The following ATG4C variants were observed in gnomAD, a reference collection of about 807,000 sequenced individuals.
The protein encoded by ATG4C is autophagy related 4C cysteine peptidase, also known as cysteine protease ATG4C.
Under a neutral mutation model 57.6 loss-of-function variants are expected in ATG4C, and 56 were observed. That is an observed-to-expected ratio of 0.97 (90% CI 0.78 to 1.21). The LOEUF is 1.21. ATG4C is among the 50% of genes most tolerant of loss of function. ATG4C has a pLI of 0.00. For synonymous variants in ATG4C, 157 were observed against 174.1 expected (o/e 0.90, Z 0.78); for missense variants, 595 against 529.8 (o/e 1.12, Z -1.21).
At chr1:62,824,866 G>A (rs919907832) in intron 6 of ATG4C, among the ~76,000 whole-genome samples, 2 of 151,876 alleles carry the variant, frequency 1.3e-5, no homozygotes, top group Admixed American at 6.6e-5. Flanking sequence ...TGAAGGTCTC[G>A]CTATGTTGCC....
intron 7 of ATG4C, among the ~76,000 whole-genome samples, chr1:62,832,611 C>A (rs1048887368): frequency 6.6e-6 from 1 of 152,160 alleles, no homozygotes; most frequent in Admixed American, 6.5e-5. Context: ...ACCTGATATT[C>A]ATGCAAGCTC....
At chr1:62,814,010 G>A (rs1345754067) in intron 3 of ATG4C, among the ~76,000 whole-genome samples, 1 of 152,162 alleles carries the variant, frequency 6.6e-6, no homozygotes, top group African/African-American at 2.4e-5. Flanking sequence ...TTTAAAGGGA[G>A]TTCAACCATT....
chr1:62,843,346 A>G (rs1666229623), intron 10 of ATG4C, among the ~76,000 whole-genome samples: 1 of 152,176 alleles, frequency 6.6e-6, no homozygotes, highest in African/African-American at 2.4e-5. Flanking sequence ...CTTTGCTTTA[A>G]TAATAGTGTT....
At chr1:62,806,319 AT>A (rs1664877509) in intron 3 of ATG4C, among the ~76,000 whole-genome samples, 1 of 152,056 alleles carries the variant, frequency 6.6e-6, no homozygotes. Context: ...AAAGGACCAA[AT>A]TACAGAGGAA....
intron 6 of ATG4C, among the ~76,000 whole-genome samples, chr1:62,825,432 T>G (rs1665619930): frequency 6.6e-6 from 1 of 152,142 alleles, no homozygotes; most frequent in Non-Finnish European, 1.5e-5. Flanking sequence ...CACTACTCTG[T>G]AGATTTTCCC....
At chr1:62,824,745 G>C (rs78621236) in intron 6 of ATG4C, among the ~76,000 whole-genome samples, 29 of 147,088 alleles carry the variant, frequency 2.0e-4, no homozygotes, top group Admixed American at 1.1e-3. Context: ...ATAGCTCACT[G>C]TTACCTCAAA....
At chr1:62,810,039 G>A (rs550971713) in intron 3 of ATG4C, among the ~76,000 whole-genome samples, 37 of 151,946 alleles carry the variant, frequency 2.4e-4, no homozygotes, top group Middle Eastern at 3.4e-3. Context: ...TTTAACTTAC[G>A]ACCCAACATT....
chr1:62,806,691 C>T (rs1664891078), intron 3 of ATG4C, among the ~76,000 whole-genome samples: 1 of 152,144 alleles, frequency 6.6e-6, no homozygotes, highest in Admixed American at 6.5e-5. Context: ...GCCAGAAAGG[C>T]AGCCGGAGGC....
chr1:62,818,029 G>A (rs138976814), intron 4 of ATG4C, among the ~76,000 whole-genome samples: 1 of 152,108 alleles, frequency 6.6e-6, no homozygotes, highest in African/African-American at 2.4e-5. Flanking sequence ...TCATGGGCAA[G>A]GATTGGAATA....
At chr1:62,825,483 T>C (rs1283330852) in intron 6 of ATG4C, among the ~76,000 whole-genome samples, 1 of 152,122 alleles carries the variant, frequency 6.6e-6, no homozygotes, top group Non-Finnish European at 1.5e-5. Flanking sequence ...GGTTTGTTGG[T>C]TTTTCCTCAT....
chr1:62,810,046 C>T (rs1665026122), intron 3 of ATG4C, among the ~76,000 whole-genome samples: 1 of 152,036 alleles, frequency 6.6e-6, no homozygotes, highest in African/African-American at 2.4e-5. Flanking sequence ...TACGACCCAA[C>T]ATTTCTAAGA....
In ATG4C at chr1:62,829,099, G is replaced by A. The variant is rs747979050; in HGVS notation, c.856G>A (p.Asp286Asn). ...SASMTSDNADDKAVIILVPVR... is the reference protein window; with the variant it reads ...SASMTSDNADNKAVIILVPVR... Reference sequence around the variant, plus strand: ...TTCCATGACTTCTGATAATGCAGATGACAAAGCTGTTATTATTCTAGTTCC... The same window carrying A: ...TTCCATGACTTCTGATAATGCAGATAACAAAGCTGTTATTATTCTAGTTCC... Residue 286 changes from aspartate to asparagine, a missense_variant, in exon 7 of 11, where the codon GAC (aspartate) becomes AAC (asparagine). Transcript: ENST00000317868. 6.2e-7 allele frequency: 1 copy of A among 1,613,092 alleles called. No homozygotes were observed. The highest frequency in any genetic ancestry group is 1.7e-5 in the Admixed American group (1 of 59,986).
intron 3 of ATG4C, among the ~76,000 whole-genome samples, chr1:62,816,143 G>A (rs1665263514): frequency 6.6e-6 from 1 of 152,114 alleles, no homozygotes; most frequent in African/African-American, 2.4e-5. Flanking sequence ...TTTGAAAGGT[G>A]TTTTTGCTGC....
At position 62,803,817 on chromosome 1, in the gene ATG4C, A is replaced by G; in HGVS notation, c.31A>G (p.Lys11Glu). The change falls in exon 2 of 11, where the codon AAG (lysine) becomes GAG (glutamate). Residue 11 changes from lysine to glutamate, a missense_variant. Lys to Glu is a moderately conservative substitution (Grantham distance 56). Coordinates refer to ENST00000317868, the MANE Select transcript of ATG4C (RefSeq NM_032852.4). MEATGTDEVD[K>E]LKTKFISAWN... The stretch of plus-strand genomic sequence containing the variant: ...GGCTACAGGAACAGATGAAGTTGAC[A>G]AGCTAAAAACCAAATTTATATCTGC... 6.2e-7 allele frequency: 1 copy of G among 1,606,962 alleles called. No homozygotes were observed. Among genetic ancestry groups the G allele is most frequent in the Admixed American group, 1.7e-5 (1 of 59,078 alleles).
At chr1:62,820,998 A>ATAATT (rs1665462856) in intron 5 of ATG4C, 141 bp from the exon 6 acceptor site, 1 of 543,356 alleles carries the variant, frequency 1.8e-6, no homozygotes, top group Non-Finnish European at 3.3e-6. Context: ...TACCATTCAG[A>ATAATT]TAATAGTTTT....
At chr1:62,809,250 T>C (rs1320468526) in intron 3 of ATG4C, among the ~76,000 whole-genome samples, 1 of 151,956 alleles carries the variant, frequency 6.6e-6, no homozygotes, top group Non-Finnish European at 1.5e-5. Flanking sequence ...GAAGAACTTG[T>C]ATAAACTGTA....
chr1:62,825,972 A>G, intron 6 of ATG4C, among the ~76,000 whole-genome samples: 1 of 151,838 alleles, frequency 6.6e-6, no homozygotes. Context: ...CAGTGGCACG[A>G]TCTCAGCTCA....
At position 62,826,207 on chromosome 1, in the gene ATG4C, C is replaced by G. The variant is rs565045132; in HGVS notation, c.797-2833C>G. On this transcript the variant is annotated intron_variant, in intron 6 of 10. Coordinates refer to ENST00000317868, the MANE Select transcript of ATG4C (RefSeq NM_032852.4). Reference sequence around the variant, plus strand: ...TACAGGCGTGACCCACCACACCTGGCCAAACTGATCACCTCTACGTGACCA... The same window carrying G: ...TACAGGCGTGACCCACCACACCTGGGCAAACTGATCACCTCTACGTGACCA... 2.7e-5 allele frequency among the ~76,000 whole-genome samples: 4 copies of G among 148,798 alleles called. No individual in the cohort carries two copies. The South Asian group carries it at 8.6e-4, about 32-fold the overall frequency.
At chr1:62,817,198 G>A (rs1422155874) in intron 4 of ATG4C, among the ~76,000 whole-genome samples, 1 of 151,908 alleles carries the variant, frequency 6.6e-6, no homozygotes, top group African/African-American at 2.4e-5. Flanking sequence ...TGATTTTGAG[G>A]ACATATGTAA....
Sources: gnomAD v4.1 joint callset for allele counts (sites outside exome capture counted in the v4.1 genomes callset) on GRCh38, gnomAD v4.1.1 for gene constraint, MANE v1.5 for transcripts, NCBI Gene and HGNC (gene_info 2026-07-23, HGNC 2026-07-21) for gene names.